MON2: variants seen among roughly 807,000 people sequenced by gnomAD.
MON2 encodes the protein MON2 regulator of endosome-to-Golgi trafficking.
Under a neutral mutation model 208.6 loss-of-function variants are expected in MON2, and 84 were observed. The observed-to-expected ratio is 0.40, with a 90% CI of 0.34 to 0.48. The LOEUF (loss-of-function observed/expected upper bound fraction) is 0.48, where lower values mean the gene tolerates loss of function less well. Ranked by LOEUF, MON2 falls within the 20% of genes least tolerant of loss-of-function variation. The pLI, the probability that MON2 is intolerant of heterozygous loss-of-function variation, is 0.59. For synonymous variants in MON2, 660 were observed against 694.0 expected (o/e 0.95, Z 0.77); for missense variants, 1,611 against 2,015.4 (o/e 0.80, Z 3.84).
chr12:62,468,253 CT>C (rs2068609442), intron 1 of MON2, among the ~76,000 whole-genome samples: 1 of 151,730 alleles, frequency 6.6e-6, no homozygotes, highest in South Asian at 2.1e-4. Context: ...TCAGGCGGGT[CT>C]CGAACTCCCG....
At chr12:62,578,089 C>T (rs2136441795) in intron 30 of MON2, among the ~76,000 whole-genome samples, 2 of 152,250 alleles carry the variant, frequency 1.3e-5, no homozygotes, top group South Asian at 4.1e-4. Flanking sequence ...TAAATAACCA[C>T]CAATATAAGT....
chr12:62,538,063 G>A (rs748532248), intron 16 of MON2, 33 bp from the exon 17 acceptor site: 1 of 1,549,188 alleles, frequency 6.5e-7, no homozygotes, highest in Non-Finnish European at 8.8e-7. Flanking sequence ...CTTTTGTAAA[G>A]TTATTTGTTT....
intron 8 of MON2, among the ~76,000 whole-genome samples, chr12:62,513,375 G>A (rs2071511497): frequency 6.6e-6 from 1 of 151,864 alleles, no homozygotes; most frequent in Non-Finnish European, 1.5e-5. Context: ...GCAGGTGTGA[G>A]CCCCCACACC....
intron 19 of MON2, among the ~76,000 whole-genome samples, chr12:62,540,249 G>C (rs567477247): frequency 1.8e-4 from 27 of 152,196 alleles, no homozygotes; most frequent in African/African-American, 5.3e-4. Context: ...TACTTTCAAA[G>C]AGTATATAAG....
intron 29 of MON2, among the ~76,000 whole-genome samples, chr12:62,570,987 C>T (rs2074576968): frequency 6.6e-6 from 1 of 152,040 alleles, no homozygotes. Context: ...ACCTTGGCCT[C>T]CCAAAGTGCT....
chr12:62,486,207 C>A (rs2069781736), intron 2 of MON2, among the ~76,000 whole-genome samples: 1 of 150,994 alleles, frequency 6.6e-6, no homozygotes, highest in Admixed American at 6.7e-5. Context: ...AATTATTCTC[C>A]AATAATACAA....
At chr12:62,469,451 T>C (rs1337248180) in intron 1 of MON2, among the ~76,000 whole-genome samples, 1 of 152,222 alleles carries the variant, frequency 6.6e-6, no homozygotes, top group African/African-American at 2.4e-5. Context: ...GTAATTCTTG[T>C]GATTATCTCT....
At chr12:62,503,182 C>T (rs561170953) in intron 7 of MON2, among the ~76,000 whole-genome samples, 2 of 152,264 alleles carry the variant, frequency 1.3e-5, no homozygotes, top group South Asian at 4.1e-4. Flanking sequence ...TACCAGTTAT[C>T]ACTGTTTTAC....
intron 2 of MON2, chr12:62,490,068 C>G (rs528858748): frequency 1.8e-6 from 2 of 1,093,234 alleles, no homozygotes; most frequent in Admixed American, 2.6e-5. Context: ...TGAAACTGCT[C>G]AGAGCAAGGA....
rs773076044 is a variant in MON2 at position 62,578,433 on chromosome 12, T to TC, written c.4515-12_4515-11insC. On this transcript the variant is annotated splice_polypyrimidine_tract_variant and intron_variant, in intron 30 of 34. Coordinates refer to ENST00000393630, the MANE Select transcript of MON2 (RefSeq NM_015026.3). ...ATTTTATCTTTAAAAATCAAGTGTT[T>TC]TTTTTTTTTAGCATACCTCCAGATA... The TC allele has an allele frequency of 7.1e-6, 10 of 1,403,920 alleles. No homozygotes were observed. Among genetic ancestry groups the TC allele is most frequent in the Middle Eastern group, 1.9e-4 (1 of 5,136 alleles). The allele number at this position is 1,403,920 out of a possible 1,614,324, so 87.0% of individuals were successfully genotyped here.
chr12:62,522,595 T>C (rs189546160), intron 8 of MON2, among the ~76,000 whole-genome samples: 4 of 152,318 alleles, frequency 2.6e-5, no homozygotes, highest in Admixed American at 2.6e-4. Flanking sequence ...TTCATCACCC[T>C]TCATGTTGGT....
intron 25 of MON2, among the ~76,000 whole-genome samples, chr12:62,559,065 C>A (rs1157914683): frequency 6.6e-6 from 1 of 152,022 alleles, no homozygotes; most frequent in Non-Finnish European, 1.5e-5. Flanking sequence ...TACAGTTTGT[C>A]CAGAGTAGGC....
intron 10 of MON2, among the ~76,000 whole-genome samples, chr12:62,525,662 C>A (rs1444707360): frequency 6.6e-6 from 1 of 152,080 alleles, no homozygotes; most frequent in Admixed American, 6.6e-5. Context: ...GTTTTGTATA[C>A]TTTATTCCCA....
chr12:62,554,458 T>A (rs1471388489), intron 24 of MON2, among the ~76,000 whole-genome samples: 1 of 152,122 alleles, frequency 6.6e-6, no homozygotes, highest in Non-Finnish European at 1.5e-5. Context: ...GAGACCACAC[T>A]TTGAGAAACA....
chr12:62,480,283 G>T (rs1477251239), intron 1 of MON2, among the ~76,000 whole-genome samples: 1 of 152,162 alleles, frequency 6.6e-6, no homozygotes, highest in Non-Finnish European at 1.5e-5. Flanking sequence ...ACTTGACCAG[G>T]CACGGTGGCT....
rs556976203 is a variant in MON2, at chr12:62,504,406, G to A, written c.789+2708G>A. 2.6e-4 allele frequency among the ~76,000 whole-genome samples: 39 copies of A among 151,692 alleles called. No individual in the cohort carries two copies. In the Middle Eastern group the frequency reaches 0.021, roughly 80 times the overall value. On this transcript the variant is annotated intron_variant, in intron 7 of 34. Transcript: ENST00000393630. The stretch of plus-strand genomic sequence containing the variant: ...ACCACAGGTGCCCGCCACCACGCCC[G>A]GCTAATTTTTTGTATTTTTTTTAGT...
At chr12:62,539,468 T>C (rs1332702994) in intron 19 of MON2, among the ~76,000 whole-genome samples, 2 of 151,802 alleles carry the variant, frequency 1.3e-5, no homozygotes, top group East Asian at 3.9e-4. Flanking sequence ...AAGGTTTCAC[T>C]GTGTTAGCCA....
At chr12:62,570,486 T>C (rs1378215378) in intron 29 of MON2, among the ~76,000 whole-genome samples, 2 of 152,268 alleles carry the variant, frequency 1.3e-5, no homozygotes, top group East Asian at 3.9e-4. Flanking sequence ...CATGTACTGC[T>C]TAAGGACCGA....
chr12:62,489,358 T>C (rs1403675131), intron 2 of MON2, among the ~76,000 whole-genome samples: 2 of 152,148 alleles, frequency 1.3e-5, no homozygotes, highest in African/African-American at 2.4e-5. Context: ...TATTAAATTA[T>C]TCTTTTTTAA....
Sources: gnomAD v4.1 joint callset for allele counts (sites outside exome capture counted in the v4.1 genomes callset) on GRCh38, gnomAD v4.1.1 for gene constraint, MANE v1.5 for transcripts, NCBI Gene and HGNC (gene_info 2026-07-23, HGNC 2026-07-21) for gene names.